VWC2: variants seen among roughly 807,000 people sequenced by gnomAD.
VWC2 encodes the protein von Willebrand factor C domain containing 2, also known as brorin.
In VWC2, 14 loss-of-function variants were observed where a neutral mutation model predicts 29.8. The observed-to-expected ratio is 0.47, with a 90% confidence interval of 0.31 to 0.74. VWC2 has a LOEUF of 0.74. Ranked by LOEUF, VWC2 falls within the 30% of genes least tolerant of loss-of-function variation. The probability of loss-of-function intolerance (pLI) is 0.05; values close to 1 mark genes in which losing one functional copy is unlikely to be tolerated. For missense variants in VWC2, 457 were observed against 459.8 expected (o/e 0.99, Z 0.05); for synonymous variants, 213 against 199.0 (o/e 1.07, Z -0.59).
chr7:49,920,381 AC>A lies in VWC2; in HGVS notation c.*8197del, dbSNP rs1793965358. Reference sequence around the variant, plus strand: ...TCTTTCTATACATGCATGCATCTATACAAATGGTTAAACAGTTACTCTCTCA... The same window carrying A: ...TCTTTCTATACATGCATGCATCTATAAAATGGTTAAACAGTTACTCTCTCA... On this transcript the variant is annotated 3_prime_UTR_variant, in exon 4 of 4. Transcript: ENST00000340652. 6.6e-6 allele frequency: 1 copy of A among 152,226 alleles called. No homozygotes were observed. Among genetic ancestry groups the A allele is most frequent in the Non-Finnish European group, 1.5e-5 (1 of 68,044 alleles). 9.4% of individuals were successfully genotyped at this position (152,226 alleles called of 1,614,324 possible).
chr7:49,887,984 GCCCTTCACAA>G (rs11280038), intron 3 of VWC2, among the ~76,000 whole-genome samples: 2,740 of 152,224 alleles, frequency 0.018, 88 homozygotes, highest in African/African-American at 0.062. Flanking sequence ...ACAATGCATT[GCCCTTCACAA>G]CCACTTGGTA....
intron 3 of VWC2, among the ~76,000 whole-genome samples, chr7:49,882,639 A>G (rs1791718317): frequency 6.6e-6 from 1 of 152,006 alleles, no homozygotes; most frequent in Admixed American, 6.6e-5. Context: ...AGACAGGGAG[A>G]GAGGTAAACA....
At chr7:49,780,434 C>T (rs1562700806) in intron 2 of VWC2, among the ~76,000 whole-genome samples, 1 of 152,128 alleles carries the variant, frequency 6.6e-6, no homozygotes, top group Non-Finnish European at 1.5e-5. Context: ...GAAAAAAAAT[C>T]ATTCTATTTT....
chr7:49,806,714 G>C (rs1011314758), intron 3 of VWC2, among the ~76,000 whole-genome samples: 1 of 151,828 alleles, frequency 6.6e-6, no homozygotes, highest in African/African-American at 2.4e-5. Flanking sequence ...TAGACAAAAC[G>C]GAATGGTGTG....
intron 3 of VWC2, among the ~76,000 whole-genome samples, chr7:49,862,610 G>T (rs1012509715): frequency 6.6e-6 from 1 of 151,670 alleles, no homozygotes; most frequent in Non-Finnish European, 1.5e-5. Flanking sequence ...TTTCATAAAA[G>T]ACTTTATGAT....
chr7:49,794,507 T>C (rs1362987613), intron 2 of VWC2, among the ~76,000 whole-genome samples: 3 of 152,192 alleles, frequency 2.0e-5, no homozygotes, highest in Non-Finnish European at 4.4e-5. Flanking sequence ...AGACAGGGTG[T>C]ATGCTCAGCA....
chr7:49,784,795 TAAAC>T (rs1316972993), intron 2 of VWC2, among the ~76,000 whole-genome samples: 1 of 152,172 alleles, frequency 6.6e-6, no homozygotes, highest in Non-Finnish European at 1.5e-5. Context: ...GTATCTGATC[TAAAC>T]AAACACACAC....
In VWC2 at chr7:49,914,922, G is replaced by A. The variant is rs1381436596; in HGVS notation, c.*2737G>A. On this transcript the variant is annotated 3_prime_UTR_variant, in exon 4 of 4. Coordinates refer to ENST00000340652, the MANE Select transcript of VWC2 (RefSeq NM_198570.5). Reference sequence around the variant, plus strand: ...AAATTCAAATAGGCCTGCTCTATAAGTACCTAATAATTGTTAAATGATTTG... The same window carrying A: ...AAATTCAAATAGGCCTGCTCTATAAATACCTAATAATTGTTAAATGATTTG... 2 of 152,156 alleles carry A rather than the reference G, an allele frequency of 1.3e-5. No individual in the cohort carries two copies. The highest frequency in any genetic ancestry group is 2.9e-5 in the Non-Finnish European group (2 of 68,026). 9.4% of individuals were successfully genotyped at this position (152,156 alleles called of 1,614,324 possible).
At chr7:49,907,200 T>C (rs1043486930) in intron 3 of VWC2, among the ~76,000 whole-genome samples, 8 of 152,230 alleles carry the variant, frequency 5.3e-5, no homozygotes, top group Admixed American at 6.5e-5. Context: ...TAAAAAAAGT[T>C]ACACTCGAAG....
At chr7:49,907,644 T>C (rs1234025070) in intron 3 of VWC2, among the ~76,000 whole-genome samples, 2 of 152,186 alleles carry the variant, frequency 1.3e-5, no homozygotes, top group East Asian at 1.9e-4. Flanking sequence ...CTTGGCTTTA[T>C]ACATTTTAGG....
At chr7:49,859,126 T>A (rs545550977) in intron 3 of VWC2, among the ~76,000 whole-genome samples, 1 of 152,222 alleles carries the variant, frequency 6.6e-6, no homozygotes, top group Non-Finnish European at 1.5e-5. Flanking sequence ...AGAATTTCAC[T>A]GATGGGGCAT....
chr7:49,823,916 A>G (rs690869), intron 3 of VWC2, among the ~76,000 whole-genome samples: 2,039 of 151,874 alleles, frequency 0.013, 53 homozygotes, highest in African/African-American at 0.048. Context: ...GCCTGTTCAA[A>G]TCTTTGGCTC....
At chr7:49,809,987 A>G (rs1788966609) in intron 3 of VWC2, among the ~76,000 whole-genome samples, 2 of 152,048 alleles carry the variant, frequency 1.3e-5, no homozygotes, top group African/African-American at 2.4e-5. Flanking sequence ...ACTTTCATCC[A>G]TCAATGTAGT....
At chr7:49,877,678 T>C (rs1346124379) in intron 3 of VWC2, among the ~76,000 whole-genome samples, 1 of 149,882 alleles carries the variant, frequency 6.7e-6, no homozygotes, top group Admixed American at 6.7e-5. Flanking sequence ...CCGAGAGTCA[T>C]GAACTGGGTG....
rs1049592765 is a variant in VWC2 at position 49,913,393 on chromosome 7, T to C, written c.*1208T>C. On this transcript the variant is annotated 3_prime_UTR_variant, in exon 4 of 4. Transcript: ENST00000340652. ...ATGCATAATAGAAAATAGTTCTACCTTTATCAATCATATCAGCATGCGGTG... is the reference window on the plus strand; with the variant it reads ...ATGCATAATAGAAAATAGTTCTACCCTTATCAATCATATCAGCATGCGGTG... The C allele has an allele frequency of 5.9e-5, 9 of 152,214 alleles. No individual in the cohort carries two copies. Among genetic ancestry groups the C allele is most frequent in the African/African-American group, 2.2e-4 (9 of 41,462 alleles). The allele number at this position is 152,214 out of a possible 1,614,324, so 9.4% of individuals were successfully genotyped here.
intron 3 of VWC2, among the ~76,000 whole-genome samples, chr7:49,866,306 C>G (rs1048310627): frequency 6.6e-6 from 1 of 152,196 alleles, no homozygotes; most frequent in Non-Finnish European, 1.5e-5. Context: ...TGGCCTAACA[C>G]TGGTTGCCAC....
intron 3 of VWC2, among the ~76,000 whole-genome samples, chr7:49,904,922 G>C (rs1793004609): frequency 6.6e-6 from 1 of 151,916 alleles, no homozygotes; most frequent in Admixed American, 6.6e-5. Context: ...TTTTAGTAGA[G>C]ATGGGGTTTC....
In VWC2 at chr7:49,912,192, C is replaced by A; in HGVS notation, c.*7C>A. On this transcript the variant is annotated 3_prime_UTR_variant, in exon 4 of 4. Coordinates refer to ENST00000340652, the MANE Select transcript of VWC2 (RefSeq NM_198570.5). ...TGAATGCAGGCAAATGTAGACGCTT[C>A]CCAGAACACAAACTCTGACTTTTTC... is the stretch of plus-strand genomic sequence containing the variant. 1 of 1,613,290 alleles carries A rather than the reference C, an allele frequency of 6.2e-7. No homozygotes were observed. The highest frequency in any genetic ancestry group is 8.5e-7 in the Non-Finnish European group (1 of 1,179,580).
chr7:49,873,521 CATTG>C (rs1791264161), intron 3 of VWC2, among the ~76,000 whole-genome samples: 1 of 152,158 alleles, frequency 6.6e-6, no homozygotes, highest in Admixed American at 6.5e-5. Context: ...ACATTCAGAC[CATTG>C]CACAGCGGTT....
Sources: gnomAD v4.1 joint callset for allele counts (sites outside exome capture counted in the v4.1 genomes callset) on GRCh38, gnomAD v4.1.1 for gene constraint, MANE v1.5 for transcripts, NCBI Gene and HGNC (gene_info 2026-07-23, HGNC 2026-07-21) for gene names.